PITPNM2: variants seen among roughly 807,000 people sequenced by gnomAD.
The protein encoded by PITPNM2 is membrane-associated phosphatidylinositol transfer protein 2.
PITPNM2 carries 35 observed loss-of-function variants against 132.2 expected under a neutral mutation model. The observed-to-expected ratio is 0.26, with a 90% confidence interval of 0.20 to 0.35. The LOEUF is 0.35. Among genes scored for constraint, PITPNM2 ranks in the 10% least tolerant of loss-of-function variants. PITPNM2 has a pLI of 1.00. For missense variants in PITPNM2, 1,332 were observed against 1,912.0 expected (o/e 0.70, Z 5.66); for synonymous variants, 738 against 799.2 (o/e 0.92, Z 1.29).
At chr12:123,039,102 C>T (rs2040373325) in intron 2 of PITPNM2, among the ~76,000 whole-genome samples, 1 of 151,838 alleles carries the variant, frequency 6.6e-6, no homozygotes, top group Admixed American at 6.6e-5. Context: ...CATGGGGCTC[C>T]ATCGAGTGGC....
In PITPNM2 at chr12:123,034,681, G is replaced by C; in HGVS notation, c.-91C>G. 9.2e-7 allele frequency: 1 copy of C among 1,087,772 alleles called. No homozygotes were observed. The highest frequency in any genetic ancestry group is 1.3e-5 in the South Asian group (1 of 77,764). The allele number at this position is 1,087,772 out of a possible 1,614,324, so 67.4% of individuals were successfully genotyped here. ...AATAACCATGACAAAATTCACCAAGGACCCCTGGGAGACAGAGAGGACAGA... is the reference window on the plus strand; with the variant it reads ...AATAACCATGACAAAATTCACCAAGCACCCCTGGGAGACAGAGAGGACAGA... On this transcript the variant is annotated 5_prime_UTR_variant, in exon 3 of 26. Coordinates refer to ENST00000320201, the MANE Select transcript of PITPNM2 (RefSeq NM_020845.3).
At chr12:123,071,339 T>C (rs2041615898) in intron 2 of PITPNM2, among the ~76,000 whole-genome samples, 1 of 152,228 alleles carries the variant, frequency 6.6e-6, no homozygotes, top group South Asian at 2.1e-4. Context: ...ATGGAGCTGC[T>C]CATCTTTTCC....
chr12:122,997,435 G>A lies in PITPNM2; in HGVS notation c.1362C>T (p.Asn454=), dbSNP rs142848891. ...GCACGCGCATGACGGTGTCGAACACGTTGGCGATGGTGTTAGCATCGCCCT... is the reference window on the plus strand; with the variant it reads ...GCACGCGCATGACGGTGTCGAACACATTGGCGATGGTGTTAGCATCGCCCT... ...SKKGDANTIA[N]VFDTVMRVHY... The change falls in exon 11 of 26, where the codon AAC becomes AAT. Residue 454 remains asparagine, a synonymous_variant. Coordinates refer to ENST00000320201, the MANE Select transcript of PITPNM2 (RefSeq NM_020845.3). 6.4e-4 allele frequency: 1,040 copies of A among 1,613,570 alleles called. 2 individuals carry two copies. Among genetic ancestry groups the A allele is most frequent in the Non-Finnish European group, 8.4e-4 (995 of 1,180,012 alleles).
At chr12:123,102,183 G>A (rs1456847538) in intron 2 of PITPNM2, among the ~76,000 whole-genome samples, 1 of 152,194 alleles carries the variant, frequency 6.6e-6, no homozygotes, top group East Asian at 1.9e-4. Flanking sequence ...CAGAGCAGGA[G>A]GGAGAAGGCT....
chr12:123,060,961 TACCCATGCATCCCTTC>T (rs2041215621), intron 2 of PITPNM2, among the ~76,000 whole-genome samples: 3 of 152,172 alleles, frequency 2.0e-5, no homozygotes, highest in Non-Finnish European at 4.4e-5. Flanking sequence ...TACTCGCATC[TACCCATGCATCCCTTC>T]ACCCATGCAT....
intron 1 of PITPNM2, among the ~76,000 whole-genome samples, chr12:123,116,773 TGCCCAAC>T: frequency 6.6e-6 from 1 of 152,112 alleles, no homozygotes; most frequent in African/African-American, 2.4e-5. Context: ...ACTTGTACCT[TGCCCAAC>T]GGGTGATGAG....
chr12:123,151,482 G>T (rs1258605557), upstream of PITPNM2, among the ~76,000 whole-genome samples: 4 of 152,176 alleles, frequency 2.6e-5, no homozygotes, highest in East Asian at 7.7e-4. Context: ...GAGCGAAATG[G>T]TAAACCAGGG....
rs564597845 is a variant in PITPNM2, at chr12:123,048,510, T to C, written c.-95-13825A>G. Among the ~76,000 whole-genome samples, 122 of 152,226 alleles carry C rather than the reference T, an allele frequency of 8.0e-4. 1 individual carries two copies. The highest frequency in any genetic ancestry group is 2.7e-3 in the African/African-American group (113 of 41,540). On this transcript the variant is annotated intron_variant, in intron 2 of 25. Coordinates refer to ENST00000320201, the MANE Select transcript of PITPNM2 (RefSeq NM_020845.3). Reference sequence around the variant, plus strand: ...TCACTGCAAGCTCTGCTTCCCCGGTTCACGTCATTCTCCTGCCTCAGCCTC... The same window carrying C: ...TCACTGCAAGCTCTGCTTCCCCGGTCCACGTCATTCTCCTGCCTCAGCCTC...
rs553224146 is a variant in PITPNM2, at chr12:123,056,105, A to G, written c.-95-21420T>C. On this transcript the variant is annotated intron_variant, in intron 2 of 25. Transcript: ENST00000320201. ...TCCCAAGCCCAGTTGGGCTTCCTTG[A>G]GTTCACTCTTAGGAGCCCTGCAGCT... 9.9e-5 allele frequency among the ~76,000 whole-genome samples: 15 copies of G among 152,218 alleles called. No homozygotes were observed. In the East Asian group the frequency reaches 2.7e-3, roughly 27 times the overall value.
chr12:123,112,416 C>T (rs2042856595), intron 1 of PITPNM2, among the ~76,000 whole-genome samples: 1 of 152,150 alleles, frequency 6.6e-6, no homozygotes, highest in African/African-American at 2.4e-5. Flanking sequence ...GTTCCATACA[C>T]ACGTAGTCAC....
At chr12:122,996,988 T>G in intron 11 of PITPNM2, 78 bp from the exon 12 acceptor site, 1 of 1,326,454 alleles carries the variant, frequency 7.5e-7, no homozygotes, top group Non-Finnish European at 1.0e-6. Flanking sequence ...GACCTGAGTC[T>G]CAGCCATGGA....
intron 3 of PITPNM2, among the ~76,000 whole-genome samples, chr12:123,027,861 G>A (rs1228123555): frequency 6.6e-6 from 1 of 152,250 alleles, no homozygotes; most frequent in Non-Finnish European, 1.5e-5. Context: ...CTCCCCACCA[G>A]TGATGGCGTC....
intron 3 of PITPNM2, among the ~76,000 whole-genome samples, chr12:123,015,258 T>C (rs2039373793): frequency 6.6e-6 from 1 of 152,106 alleles, no homozygotes; most frequent in Non-Finnish European, 1.5e-5. Context: ...AAAACCAAGC[T>C]GGAGGACTCA....
chr12:123,012,587 T>G, intron 5 of PITPNM2, 26 bp downstream of exon 5: 1 of 1,613,460 alleles, frequency 6.2e-7, no homozygotes. Context: ...AGTACAGCCC[T>G]GTGGGGCTCT....
intron 2 of PITPNM2, among the ~76,000 whole-genome samples, chr12:123,080,509 T>C (rs2137002653): frequency 6.6e-6 from 1 of 152,206 alleles, no homozygotes; most frequent in East Asian, 1.9e-4. Context: ...TCACCCTGCC[T>C]TTCCACTAAA....
intron 2 of PITPNM2, among the ~76,000 whole-genome samples, chr12:123,040,404 C>T (rs963033615): frequency 2.6e-5 from 4 of 151,984 alleles, no homozygotes. Context: ...TATATACTTA[C>T]CACAATTTAA....
In PITPNM2 at chr12:123,010,084, G is replaced by A; in HGVS notation, c.416-7C>T. The A allele has an allele frequency of 6.2e-7, 1 of 1,610,134 alleles. No individual in the cohort carries two copies. Among genetic ancestry groups the A allele is most frequent in the Non-Finnish European group, 8.5e-7 (1 of 1,176,582 alleles). ...TTGACAATGTCGATGAAGTCTGTGGGTAAACCCTTAGAGTGGCCACTTCTG... is the reference window on the plus strand; with the variant it reads ...TTGACAATGTCGATGAAGTCTGTGGATAAACCCTTAGAGTGGCCACTTCTG... On this transcript the variant is annotated splice_region_variant and splice_polypyrimidine_tract_variant and intron_variant, in intron 5 of 25. Coordinates refer to ENST00000320201, the MANE Select transcript of PITPNM2 (RefSeq NM_020845.3).
In PITPNM2 at chr12:123,004,307, A is replaced by G. The variant is rs1435547230; in HGVS notation, c.1048+87T>C. The G allele has an allele frequency of 4.0e-6, 5 of 1,237,324 alleles. No individual in the cohort carries two copies. Among genetic ancestry groups the G allele is most frequent in the East Asian group, 4.7e-5 (2 of 42,348 alleles). 76.6% of individuals were successfully genotyped at this position (1,237,324 alleles called of 1,614,324 possible). On this transcript the variant is annotated intron_variant, in intron 8 of 25. Transcript: ENST00000320201. The surrounding 1 kb of genome is among the most constrained non-coding windows in gnomAD (Gnocchi z 4.9). ...AATAGTAACAGGCAACACCCGCATC[A>G]GTCCACACCCACACCCTAAGCCCTT... is the stretch of plus-strand genomic sequence containing the variant.
At chr12:123,143,228 T>G (rs1352434017) in intron 1 of PITPNM2, among the ~76,000 whole-genome samples, 1 of 145,410 alleles carries the variant, frequency 6.9e-6, no homozygotes, top group Non-Finnish European at 1.5e-5. Flanking sequence ...CACCACCTCA[T>G]GCAGGACACT....
Sources: allele counts gnomAD v4.1 joint callset (sites outside exome capture counted in the v4.1 genomes callset), GRCh38; gene constraint gnomAD v4.1.1; non-coding constraint Gnocchi (gnomAD v3.1); transcripts MANE v1.5; gene names NCBI Gene and HGNC (gene_info 2026-07-23, HGNC 2026-07-21).